The following ARMC1 variants were observed in gnomAD, a reference collection of about 807,000 sequenced individuals.
ARMC1 encodes armadillo repeat-containing protein 1.
A neutral mutation model predicts 31.4 loss-of-function variants in ARMC1; 16 were observed. The observed-to-expected ratio is 0.51, with a 90% CI of 0.34 to 0.77. ARMC1 has a LOEUF of 0.77. Among genes scored for constraint, ARMC1 ranks in the 30% least tolerant of loss-of-function variants. The probability of loss-of-function intolerance (pLI) is 0.01; values close to 1 mark genes in which losing one functional copy is unlikely to be tolerated. For missense variants in ARMC1, 259 were observed against 347.5 expected (o/e 0.75, Z 2.02); for synonymous variants, 114 against 118.9 (o/e 0.96, Z 0.27).
At chr8:65,604,873 G>A (rs1392502374) in intron 6 of ARMC1, among the ~76,000 whole-genome samples, 2 of 152,132 alleles carry the variant, frequency 1.3e-5, no homozygotes, top group Non-Finnish European at 2.9e-5. Flanking sequence ...TATGAGATGG[G>A]AACCCAAATG....
Position 65,602,580 on chromosome 8 carries a change from C to T in ARMC1, c.*1814G>A, listed in dbSNP as rs1035672624. On this transcript the variant is annotated 3_prime_UTR_variant, in exon 7 of 7. Transcript: ENST00000276569. Reference sequence around the variant, plus strand: ...GAATAAAGAACTCTTAGAATTAGAACACACAAACATCAAGCTGTAATACCT... The same window carrying T: ...GAATAAAGAACTCTTAGAATTAGAATACACAAACATCAAGCTGTAATACCT... The T allele has an allele frequency of 6.6e-6, 1 of 152,144 alleles. No individual in the cohort carries two copies. The highest frequency in any genetic ancestry group is 2.4e-5 in the African/African-American group (1 of 41,432). 9.4% of individuals were successfully genotyped at this position (152,144 alleles called of 1,614,324 possible). A position where few individuals can be genotyped will look rare whatever the true frequency, so the allele number is the denominator to read the frequency against.
chr8:65,613,627 A>C (rs1808190468), intron 3 of ARMC1, among the ~76,000 whole-genome samples, 194 bp from the exon 4 acceptor site: 1 of 152,210 alleles, frequency 6.6e-6, no homozygotes, highest in South Asian at 2.1e-4. Context: ...TTTCATTTTA[A>C]ACCCGTGGCT....
intron 3 of ARMC1, among the ~76,000 whole-genome samples, chr8:65,621,209 T>C (rs752385329): frequency 3.3e-5 from 5 of 152,210 alleles, no homozygotes; most frequent in Non-Finnish European, 7.3e-5. Flanking sequence ...GATAATCCAT[T>C]ATATCCAATG....
At chr8:65,605,682 G>T in intron 4 of ARMC1, 144 bp from the exon 5 acceptor site, 1 of 633,910 alleles carries the variant, frequency 1.6e-6, no homozygotes, top group East Asian at 2.8e-5. Context: ...CAGAGTGGGG[G>T]AGTGCTTAGT....
rs754953976 is a variant in ARMC1, at chr8:65,627,244, T to C, written c.155A>G (p.Asn52Ser). ...CAAAGCGGAGTGGACGACTGGAGGG[T>C]TGGGATGGTCCATAAATAAAATAAG... ...PGLILFMDHP[N>S]PPVVHSALLA... The change falls in exon 2 of 7, where the codon AAC becomes AGC. Residue 52 changes from asparagine to serine, a missense_variant. Physicochemically the swap from Asn to Ser is conservative, Grantham distance 46. This residue lies in a region of ARMC1 where 163 missense variants were observed against 186.7 expected (regional missense o/e 0.87). Coordinates refer to ENST00000276569, the MANE Select transcript of ARMC1 (RefSeq NM_018120.6). 5 of 1,601,086 alleles carry C rather than the reference T, an allele frequency of 3.1e-6. No homozygotes were observed. The highest frequency in any genetic ancestry group is 3.4e-6 in the Non-Finnish European group (4 of 1,172,594).
chr8:65,625,885 A>C (rs1008099392), intron 2 of ARMC1, among the ~76,000 whole-genome samples: 1 of 151,448 alleles, frequency 6.6e-6, no homozygotes, highest in East Asian at 1.9e-4. Flanking sequence ...TTTTTTTAAC[A>C]ACTTTTTTTT....
chr8:65,628,876 G>C (rs181675151), intron 1 of ARMC1, among the ~76,000 whole-genome samples: 2 of 148,894 alleles, frequency 1.3e-5, no homozygotes, highest in Non-Finnish European at 3.0e-5. Flanking sequence ...CATATCGGCC[G>C]GGTGCAGTGG....
At chr8:65,612,017 G>A (rs532919380) in intron 4 of ARMC1, among the ~76,000 whole-genome samples, 8 of 152,126 alleles carry the variant, frequency 5.3e-5, no homozygotes, top group South Asian at 2.1e-4. Context: ...TGATCCATCC[G>A]CCTTGGCCTC....
intron 1 of ARMC1, among the ~76,000 whole-genome samples, chr8:65,628,208 T>G (rs1808554836): frequency 6.6e-6 from 1 of 151,992 alleles, no homozygotes; most frequent in African/African-American, 2.4e-5. Flanking sequence ...TTTCCTAAAC[T>G]CATCAGCAGT....
At chr8:65,605,374 T>G in intron 5 of ARMC1, 37 bp from the exon 6 acceptor site, 1 of 1,612,948 alleles carries the variant, frequency 6.2e-7, no homozygotes, top group South Asian at 1.1e-5. Flanking sequence ...TTGAAATTGA[T>G]TTGTTTACCT....
At chr8:65,615,479 T>A (rs997634092) in intron 3 of ARMC1, among the ~76,000 whole-genome samples, 4 of 146,250 alleles carry the variant, frequency 2.7e-5, no homozygotes, top group Non-Finnish European at 4.5e-5. Context: ...CTGAGGTGGG[T>A]GGATCACCTG....
intron 3 of ARMC1, among the ~76,000 whole-genome samples, chr8:65,614,830 A>G (rs1808216914): frequency 1.3e-5 from 2 of 152,264 alleles, no homozygotes; most frequent in Admixed American, 6.5e-5. Context: ...TCTTATTTCA[A>G]TGCTTGAAGG....
At chr8:65,607,941 C>G (rs1808039269) in intron 4 of ARMC1, among the ~76,000 whole-genome samples, 1 of 152,000 alleles carries the variant, frequency 6.6e-6, no homozygotes, top group Non-Finnish European at 1.5e-5. Flanking sequence ...AGAAAAAATA[C>G]CCCTGCACTC....
At chr8:65,628,391 A>ATTTT (rs763494218) in intron 1 of ARMC1, among the ~76,000 whole-genome samples, 13 of 78,810 alleles carry the variant, frequency 1.6e-4, no homozygotes, top group African/African-American at 2.0e-4. Flanking sequence ...CGCCCGGCTA[A>ATTTT]TTTTTTTTTT....
intron 4 of ARMC1, among the ~76,000 whole-genome samples, chr8:65,608,667 G>C (rs1808056437): frequency 6.6e-6 from 1 of 152,074 alleles, no homozygotes; most frequent in Admixed American, 6.5e-5. Context: ...TAGCACTTTG[G>C]GAGGGCAAGG....
At chr8:65,611,377 T>C (rs1284337295) in intron 4 of ARMC1, among the ~76,000 whole-genome samples, 4 of 152,194 alleles carry the variant, frequency 2.6e-5, no homozygotes, top group Non-Finnish European at 4.4e-5. Flanking sequence ...AAACACCAGC[T>C]TTTGATTTCA....
intron 1 of ARMC1, among the ~76,000 whole-genome samples, chr8:65,629,146 C>T (rs138949230): frequency 0.028 from 4,066 of 147,090 alleles, 129 homozygotes; most frequent in African/African-American, 0.079. Flanking sequence ...CAGGGCGAGA[C>T]TCCATCTCAA....
At chr8:65,605,399 A>G in intron 5 of ARMC1, 23 bp downstream of exon 5, 1 of 1,612,810 alleles carries the variant, frequency 6.2e-7, no homozygotes, top group Non-Finnish European at 8.5e-7. Flanking sequence ...TCTCAAGCAT[A>G]TTCAGTCTTT....
At chr8:65,605,941 T>C (rs1807992754) in intron 4 of ARMC1, among the ~76,000 whole-genome samples, 1 of 152,182 alleles carries the variant, frequency 6.6e-6, no homozygotes. Context: ...TAAGTTTTAT[T>C]GAAACACAAG....
Sources: gnomAD v4.1 joint callset for allele counts (sites outside exome capture counted in the v4.1 genomes callset) on GRCh38, gnomAD v4.1.1 for gene constraint, gnomAD v4.1.1 regional missense constraint, MANE v1.5 for transcripts, NCBI Gene and HGNC (gene_info 2026-07-23, HGNC 2026-07-21) for gene names.